Variants in CHMP4C observed in about 807,000 individuals in gnomAD.
The protein encoded by CHMP4C is charged multivesicular body protein 4C, also known as SNF7 homolog associated with Alix 3.
CHMP4C carries 28 observed loss-of-function variants against 29.0 expected under a neutral mutation model. The observed-to-expected ratio is 0.97, with a 90% CI of 0.72 to 1.32. CHMP4C has a LOEUF of 1.32. Ranked by LOEUF, CHMP4C falls within the 40% of genes most tolerant of loss-of-function variation. CHMP4C has a pLI of 0.00. For missense variants in CHMP4C, 291 were observed against 281.0 expected (o/e 1.04, Z -0.25); for synonymous variants, 106 against 102.4 (o/e 1.04, Z -0.21).
intron 1 of CHMP4C, 25 bp from the exon 2 acceptor site, chr8:81,753,039 T>C (rs1808926543): frequency 6.4e-7 from 1 of 1,573,372 alleles, no homozygotes; most frequent in Non-Finnish European, 8.6e-7. Context: ...TCTTTCCTAA[T>C]AAATGTGGCT....
chr8:81,748,391 G>A (rs899114246), intron 1 of CHMP4C, among the ~76,000 whole-genome samples: 1 of 152,176 alleles, frequency 6.6e-6, no homozygotes, highest in Non-Finnish European at 1.5e-5. Flanking sequence ...AATCACAAGG[G>A]TATTGATTGG....
intron 1 of CHMP4C, among the ~76,000 whole-genome samples, chr8:81,736,547 G>A (rs938772579): frequency 3.9e-5 from 6 of 152,144 alleles, no homozygotes; most frequent in African/African-American, 1.4e-4. Flanking sequence ...TGTATGAACA[G>A]GATGAATCTA....
At chr8:81,742,083 A>T (rs979819846) in intron 1 of CHMP4C, among the ~76,000 whole-genome samples, 2 of 152,186 alleles carry the variant, frequency 1.3e-5, no homozygotes. Flanking sequence ...TCATGGTTTA[A>T]AGCAGTAAGA....
chr8:81,756,155 G>C (rs535164399), intron 3 of CHMP4C, among the ~76,000 whole-genome samples: 2 of 152,242 alleles, frequency 1.3e-5, no homozygotes, highest in South Asian at 4.1e-4. Context: ...GTAAGACCTG[G>C]TTCCATGGAA....
At chr8:81,736,236 G>A (rs1345601521) in intron 1 of CHMP4C, among the ~76,000 whole-genome samples, 1 of 151,866 alleles carries the variant, frequency 6.6e-6, no homozygotes, top group Non-Finnish European at 1.5e-5. Context: ...GCTCACTGCA[G>A]CCTTGACCTC....
chr8:81,753,754 A>G (rs1450876551), intron 2 of CHMP4C, among the ~76,000 whole-genome samples: 1 of 152,180 alleles, frequency 6.6e-6, no homozygotes, highest in Admixed American at 6.6e-5. Context: ...TTTCTGGGCT[A>G]TAATCCCAGG....
chr8:81,743,469 ATTAG>A (rs1382344385), intron 1 of CHMP4C, among the ~76,000 whole-genome samples: 1 of 152,054 alleles, frequency 6.6e-6, no homozygotes, highest in African/African-American at 2.4e-5. Flanking sequence ...CATTTATTCA[ATTAG>A]TTATATATTC....
At chr8:81,752,943 T>C (rs992744318) in intron 1 of CHMP4C, 121 bp from the exon 2 acceptor site, 1 of 683,402 alleles carries the variant, frequency 1.5e-6, no homozygotes, top group Non-Finnish European at 2.3e-6. Flanking sequence ...TCAGGTTTAT[T>C]TTGGTATACT....
chr8:81,752,337 A>G (rs1193888037), intron 1 of CHMP4C, among the ~76,000 whole-genome samples: 1 of 152,122 alleles, frequency 6.6e-6, no homozygotes, highest in Non-Finnish European at 1.5e-5. Context: ...TGCCACAGTC[A>G]AGAGGGCTCT....
intron 1 of CHMP4C, among the ~76,000 whole-genome samples, chr8:81,737,846 CT>C (rs1359840426): frequency 6.6e-6 from 1 of 152,198 alleles, no homozygotes; most frequent in Non-Finnish European, 1.5e-5. Flanking sequence ...TTTTAAAAAG[CT>C]GTACTTGGCC....
At chr8:81,737,791 G>A (rs1808712875) in intron 1 of CHMP4C, among the ~76,000 whole-genome samples, 1 of 152,182 alleles carries the variant, frequency 6.6e-6, no homozygotes, top group Non-Finnish European at 1.5e-5. Flanking sequence ...AAAGCATTCA[G>A]TGCAGTGCTT....
chr8:81,753,343 G>T, intron 2 of CHMP4C, 102 bp downstream of exon 2: 1 of 743,028 alleles, frequency 1.3e-6, no homozygotes. Context: ...TTACTCATTT[G>T]AGGCTCTTTG....
At chr8:81,755,102 G>C (rs1808953551) in intron 2 of CHMP4C, among the ~76,000 whole-genome samples, 1 of 152,002 alleles carries the variant, frequency 6.6e-6, no homozygotes, top group Non-Finnish European at 1.5e-5. Context: ...TTCAAAATGG[G>C]TTTACAAATA....
chr8:81,751,076 T>C (rs1021777077), intron 1 of CHMP4C, among the ~76,000 whole-genome samples: 1 of 152,172 alleles, frequency 6.6e-6, no homozygotes, highest in Non-Finnish European at 1.5e-5. Context: ...CCTAGCATTC[T>C]GTAAAAATCC....
Position 81,753,168 on chromosome 8 carries a change from T to TCA in CHMP4C, c.301_302dup (p.Asn102ProfsTer6), listed in dbSNP as rs1808929819. On this transcript the variant is annotated frameshift_variant, in exon 2 of 5. Coordinates refer to ENST00000297265, the MANE Select transcript of CHMP4C (RefSeq NM_152284.4). LOFTEE classifies it high-confidence loss of function. ...GTTCCAGAGAGAAGCCCTGGAGAACTCACACACCAACACTGAGGTGTTGAG... is the reference window on the plus strand; with the variant it reads ...GTTCCAGAGAGAAGCCCTGGAGAACTCACACACACCAACACTGAGGTGTTGAG... The TCA allele has an allele frequency of 1.2e-6, 2 of 1,612,470 alleles. No homozygotes were observed. The highest frequency in any genetic ancestry group is 2.7e-5 in the African/African-American group (2 of 74,844).
Position 81,758,135 on chromosome 8 carries a change from T to C in CHMP4C, c.484-7T>C. On this transcript the variant is annotated splice_polypyrimidine_tract_variant and splice_region_variant and intron_variant, in intron 3 of 4. Coordinates refer to ENST00000297265, the MANE Select transcript of CHMP4C (RefSeq NM_152284.4). ...ACTCCATAATTCTTCCTTTCTCCTG[T>C]GTTCAGGATGAGTTGATGGCAGAAC... 1 of 1,613,312 alleles carries C rather than the reference T, an allele frequency of 6.2e-7. No homozygotes were observed. The highest frequency in any genetic ancestry group is 8.5e-7 in the Non-Finnish European group (1 of 1,179,512).
chr8:81,743,088 A>G lies in CHMP4C; in HGVS notation c.191-9976A>G, dbSNP rs1808783364. ...AAGGAATAGTCATAGAACCACAGAC[A>G]GTGAGAACTGAGAGGGGCTAAAGGA... On this transcript the variant is annotated intron_variant, in intron 1 of 4. Coordinates refer to ENST00000297265, the MANE Select transcript of CHMP4C (RefSeq NM_152284.4). Among the ~76,000 whole-genome samples the G allele has an allele frequency of 2.6e-5, 4 of 152,078 alleles. No homozygotes were observed. In the South Asian group the frequency reaches 8.3e-4, roughly 32 times the overall value.
At chr8:81,758,045 C>T (rs1808992277) in intron 3 of CHMP4C, 97 bp from the exon 4 acceptor site, 2 of 1,078,578 alleles carry the variant, frequency 1.9e-6, no homozygotes, top group Admixed American at 2.1e-5. Flanking sequence ...TGGGTTCTCA[C>T]ATATCAATTG....
At position 81,750,629 on chromosome 8, in the gene CHMP4C, G is replaced by A. The variant is rs147043837; in HGVS notation, c.191-2435G>A. Among the ~76,000 whole-genome samples, 473 of 151,670 alleles carry A rather than the reference G, an allele frequency of 3.1e-3. 5 individuals carry two copies. The highest frequency in any genetic ancestry group is 0.011 in the African/African-American group (450 of 41,364). ...AAAACAAAAAAATATATAGGACAAA[G>A]CCAAAGAATACAATGTTCATCTTAT... On this transcript the variant is annotated intron_variant, in intron 1 of 4. Coordinates refer to ENST00000297265, the MANE Select transcript of CHMP4C (RefSeq NM_152284.4).
Sources: gnomAD v4.1 joint callset for allele counts (sites outside exome capture counted in the v4.1 genomes callset) on GRCh38, gnomAD v4.1.1 for gene constraint, MANE v1.5 for transcripts, NCBI Gene and HGNC (gene_info 2026-07-23, HGNC 2026-07-21) for gene names.